SIPA1L1: variants seen among roughly 807,000 people sequenced by gnomAD.
SIPA1L1 encodes signal induced proliferation associated 1 like 1.
SIPA1L1 carries 26 observed loss-of-function variants against 162.7 expected under a neutral mutation model. That is an observed-to-expected ratio of 0.16 (90% CI 0.12 to 0.22). The LOEUF is 0.22. Among genes scored for constraint, SIPA1L1 ranks in the 10% least tolerant of loss-of-function variants. The probability of loss-of-function intolerance (pLI) is 1.00; values close to 1 mark genes in which losing one functional copy is unlikely to be tolerated. For synonymous variants in SIPA1L1, 829 were observed against 837.4 expected (o/e 0.99, Z 0.17); for missense variants, 1,874 against 2,241.0 (o/e 0.84, Z 3.31).
At chr14:71,583,447 T>C (rs940889403) in intron 4 of SIPA1L1, among the ~76,000 whole-genome samples, 1 of 152,216 alleles carries the variant, frequency 6.6e-6, no homozygotes, top group South Asian at 2.1e-4. Flanking sequence ...GAAGATCTCA[T>C]TTTGGAATGT....
intron 2 of SIPA1L1, among the ~76,000 whole-genome samples, chr14:71,464,942 A>G (rs2046881798): frequency 6.6e-6 from 1 of 152,144 alleles, no homozygotes; most frequent in African/African-American, 2.4e-5. Flanking sequence ...ACTCCTGAGG[A>G]GAATCAACAT....
chr14:71,482,503 G>T (rs1186278219), intron 2 of SIPA1L1, among the ~76,000 whole-genome samples: 2 of 150,910 alleles, frequency 1.3e-5, no homozygotes, highest in African/African-American at 4.9e-5. Flanking sequence ...AGTCAGTGTG[G>T]TATAAGTAGC....
At chr14:71,470,529 A>G (rs886128299) in intron 2 of SIPA1L1, among the ~76,000 whole-genome samples, 1 of 152,216 alleles carries the variant, frequency 6.6e-6, no homozygotes, top group African/African-American at 2.4e-5. Flanking sequence ...CAGTTTTCCA[A>G]CTACTTGCAA....
intron 2 of SIPA1L1, among the ~76,000 whole-genome samples, chr14:71,355,591 A>G (rs2037160543): frequency 6.6e-6 from 1 of 152,336 alleles, no homozygotes; most frequent in East Asian, 1.9e-4. Flanking sequence ...AATGATGTTT[A>G]TTGTATCCTC....
At chr14:71,520,660 A>G (rs977188185) in intron 3 of SIPA1L1, among the ~76,000 whole-genome samples, 3 of 152,206 alleles carry the variant, frequency 2.0e-5, no homozygotes, top group South Asian at 4.1e-4. Context: ...CATTACATGC[A>G]TGATAGTTCA....
chr14:71,660,748 C>G (rs879537738), intron 9 of SIPA1L1, among the ~76,000 whole-genome samples: 3 of 152,132 alleles, frequency 2.0e-5, no homozygotes, highest in Non-Finnish European at 4.4e-5. Flanking sequence ...AGAGGGTGTC[C>G]CTAAGCAGCT....
At chr14:71,658,770 G>A (rs2043274747) in intron 9 of SIPA1L1, among the ~76,000 whole-genome samples, 1 of 152,196 alleles carries the variant, frequency 6.6e-6, no homozygotes, top group African/African-American at 2.4e-5. Flanking sequence ...CCATGAGTGG[G>A]TGAAGTTTCA....
chr14:71,738,182 A>C (rs889024324), intron 22 of SIPA1L1, 59 bp from the exon 23 acceptor site: 19 of 887,216 alleles, frequency 2.1e-5, no homozygotes, highest in Non-Finnish European at 3.2e-5. Context: ...AAAAAAAAAA[A>C]AAAACAAACC....
intron 2 of SIPA1L1, among the ~76,000 whole-genome samples, chr14:71,447,932 C>T (rs1246626163): frequency 6.6e-6 from 1 of 152,126 alleles, no homozygotes; most frequent in Non-Finnish European, 1.5e-5. Context: ...AGTTATTTGA[C>T]TAATGGCTCA....
In SIPA1L1 at chr14:71,725,885, T is replaced by C. The variant is rs2150250854; in HGVS notation, c.4614+1050T>C. Among the ~76,000 whole-genome samples the C allele has an allele frequency of 1.3e-5, 2 of 152,240 alleles. 1 individual carries two copies. The highest frequency in any genetic ancestry group is 4.1e-4 in the South Asian group (2 of 4,820). On this transcript the variant is annotated intron_variant, in intron 19 of 23. Transcript: ENST00000381232. ...GACTAGAAAGCTTTAAGAAGAACCT[T>C]GAGAATTGAATTGATTGAAATGGAA...
chr14:71,614,467 G>C (rs2038596371), intron 5 of SIPA1L1, among the ~76,000 whole-genome samples: 1 of 152,010 alleles, frequency 6.6e-6, no homozygotes, highest in Admixed American at 6.6e-5. Flanking sequence ...TGAAAAAGTA[G>C]AGTCTGGTGA....
At chr14:71,623,213 C>T (rs911127730) in intron 6 of SIPA1L1, among the ~76,000 whole-genome samples, 1 of 152,150 alleles carries the variant, frequency 6.6e-6, no homozygotes, top group African/African-American at 2.4e-5. Context: ...ATTTGACAAT[C>T]CTCAACTTGC....
At chr14:71,660,478 A>G (rs1484069513) in intron 9 of SIPA1L1, among the ~76,000 whole-genome samples, 1 of 152,062 alleles carries the variant, frequency 6.6e-6, no homozygotes, top group African/African-American at 2.4e-5. Context: ...TGCAATTTGT[A>G]TGCCTTAATG....
intron 2 of SIPA1L1, among the ~76,000 whole-genome samples, chr14:71,425,213 C>T (rs1203443540): frequency 6.6e-6 from 1 of 151,996 alleles, no homozygotes; most frequent in Non-Finnish European, 1.5e-5. Context: ...GAACCAACTT[C>T]TGTTTCCTTA....
At chr14:71,382,767 A>T (rs1248711504) in intron 2 of SIPA1L1, among the ~76,000 whole-genome samples, 1 of 152,224 alleles carries the variant, frequency 6.6e-6, no homozygotes, top group Non-Finnish European at 1.5e-5. Context: ...AACAGCAAAT[A>T]TTGAGTGCCC....
intron 2 of SIPA1L1, among the ~76,000 whole-genome samples, chr14:71,388,857 T>C (rs1164220556): frequency 2.0e-5 from 3 of 152,220 alleles, no homozygotes; most frequent in Non-Finnish European, 4.4e-5. Flanking sequence ...AATTTTTCAT[T>C]GAAGAACTTT....
intron 4 of SIPA1L1, among the ~76,000 whole-genome samples, chr14:71,539,281 T>C (rs1456958668): frequency 6.6e-6 from 1 of 152,206 alleles, no homozygotes; most frequent in Non-Finnish European, 1.5e-5. Flanking sequence ...ATATTGTCTT[T>C]ACTATATTAC....
intron 5 of SIPA1L1, among the ~76,000 whole-genome samples, chr14:71,592,579 T>A (rs1409910718): frequency 6.6e-6 from 1 of 152,086 alleles, no homozygotes; most frequent in Non-Finnish European, 1.5e-5. Context: ...CACCGGGTAG[T>A]TTCCATTTGG....
chr14:71,721,327 G>A (rs2083709654), intron 17 of SIPA1L1, among the ~76,000 whole-genome samples: 3 of 152,178 alleles, frequency 2.0e-5, no homozygotes, highest in Non-Finnish European at 4.4e-5. Flanking sequence ...CCTAGAGTTG[G>A]GGAAGGTGAT....
Sources: gnomAD v4.1 joint callset for allele counts (sites outside exome capture counted in the v4.1 genomes callset) on GRCh38, gnomAD v4.1.1 for gene constraint, MANE v1.5 for transcripts, NCBI Gene and HGNC (gene_info 2026-07-23, HGNC 2026-07-21) for gene names.